ACSBG1: variants seen among roughly 807,000 people sequenced by gnomAD.
The protein encoded by ACSBG1 is long-chain-fatty-acid--CoA ligase ACSBG1.
Under a neutral mutation model 80.2 loss-of-function variants are expected in ACSBG1, and 39 were observed. The observed-to-expected ratio is 0.49, with a 90% CI of 0.38 to 0.64. The LOEUF is 0.64. ACSBG1 is among the 30% of genes least tolerant of loss of function. The pLI, the probability that ACSBG1 is intolerant of heterozygous loss-of-function variation, is 0.00. For missense variants in ACSBG1, 828 were observed against 966.4 expected (o/e 0.86, Z 1.90); for synonymous variants, 392 against 379.5 (o/e 1.03, Z -0.38).
chr15:78,211,676 G>A (rs1005926019), intron 1 of ACSBG1, among the ~76,000 whole-genome samples: 1 of 152,196 alleles, frequency 6.6e-6, no homozygotes, highest in Admixed American at 6.5e-5. Flanking sequence ...GGGCAGAGGA[G>A]CCTGGGAGCG....
At chr15:78,208,163 T>C in intron 1 of ACSBG1, 61 bp from the exon 2 acceptor site, 1 of 1,339,066 alleles carries the variant, frequency 7.5e-7, no homozygotes, top group Non-Finnish European at 1.1e-6. Context: ...GGCCTGGGCT[T>C]AGGGACTCCG....
intron 1 of ACSBG1, among the ~76,000 whole-genome samples, chr15:78,233,767 C>T (rs1407558914): frequency 6.6e-6 from 1 of 152,228 alleles, no homozygotes; most frequent in Non-Finnish European, 1.5e-5. Context: ...TGAGTCTCAT[C>T]TTCTCAGGAT....
intron 2 of ACSBG1, among the ~76,000 whole-genome samples, chr15:78,199,514 C>A (rs948338130): frequency 6.6e-6 from 1 of 152,002 alleles, no homozygotes; most frequent in African/African-American, 2.4e-5. Context: ...AATAGAGAGA[C>A]CTTGTCTCTA....
intron 5 of ACSBG1, among the ~76,000 whole-genome samples, chr15:78,183,444 G>A (rs1033911271): frequency 1.5e-4 from 23 of 152,250 alleles, no homozygotes; most frequent in African/African-American, 3.8e-4. Flanking sequence ...GGGTGTGGTG[G>A]TGCATGCCTG....
At chr15:78,216,645 G>T (rs546522763) in intron 1 of ACSBG1, among the ~76,000 whole-genome samples, 1 of 152,182 alleles carries the variant, frequency 6.6e-6, no homozygotes, top group East Asian at 1.9e-4. Context: ...GCACCCTGGA[G>T]CCCTTGACTG....
chr15:78,170,280 A>C lies in ACSBG1; in HGVS notation c.*1164T>G, dbSNP rs530295920. ...AGTTACCCTCTGTCCCCACAACCAA[A>C]GACAACTCATGGCCTCCTTTGGCCC... On this transcript the variant is annotated 3_prime_UTR_variant, in exon 14 of 14. Coordinates refer to ENST00000258873, the MANE Select transcript of ACSBG1 (RefSeq NM_015162.5). 5 of 152,146 alleles carry C rather than the reference A, an allele frequency of 3.3e-5. No individual in the cohort carries two copies. The South Asian group carries it at 1.0e-3, about 32-fold the overall frequency. The allele number at this position is 152,146 out of a possible 1,614,324, so 9.4% of individuals were successfully genotyped here. A position where few individuals can be genotyped will look rare whatever the true frequency, so the allele number is the denominator to read the frequency against.
chr15:78,215,786 G>C (rs994132277), intron 1 of ACSBG1, among the ~76,000 whole-genome samples: 15 of 122,938 alleles, frequency 1.2e-4, no homozygotes, highest in African/African-American at 5.0e-4. Flanking sequence ...AAGAAAGAAA[G>C]AGAAAGAAAG....
At chr15:78,207,325 G>A (rs1192340666) in intron 2 of ACSBG1, among the ~76,000 whole-genome samples, 1 of 152,196 alleles carries the variant, frequency 6.6e-6, no homozygotes, top group Non-Finnish European at 1.5e-5. Flanking sequence ...CGGCCTGGGA[G>A]AGCGGCAGCT....
At chr15:78,202,226 A>G (rs2141359943) in intron 2 of ACSBG1, among the ~76,000 whole-genome samples, 1 of 151,836 alleles carries the variant, frequency 6.6e-6, no homozygotes, top group South Asian at 2.1e-4. Context: ...TATTATTACT[A>G]TTTGAGACAG....
intron 8 of ACSBG1, 22 bp downstream of exon 8, chr15:78,181,947 C>T (rs1567081250): frequency 1.2e-6 from 2 of 1,609,190 alleles, no homozygotes; most frequent in East Asian, 4.5e-5. Flanking sequence ...CTCAGACGGA[C>T]ACACGGTAAA....
In ACSBG1 at chr15:78,179,559, C is replaced by T. The variant is rs777817054; in HGVS notation, c.1475G>A (p.Arg492Gln). ...PHFMSSPYNY[R>Q]LYSSGKLVPG... is the part of the protein sequence containing the mutation. ...CAGCCTCGAGCCTCACCTGTACAGC[C>T]GGTAGTTGTAGGGACTGGACATGAA... Residue 492 changes from arginine (R) to glutamine (Q), a missense_variant, in exon 10 of 14, where the codon CGG (arginine) becomes CAG (glutamine). Physicochemically the swap from Arg to Gln is conservative, Grantham distance 43. Transcript: ENST00000258873. The T allele has an allele frequency of 4.3e-6, 7 of 1,612,456 alleles. No homozygotes were observed. Among genetic ancestry groups the T allele is most frequent in the African/African-American group, 1.3e-5 (1 of 74,876 alleles).
chr15:78,171,707 G>A, intron 13 of ACSBG1, 178 bp from the exon 14 acceptor site: 2 of 565,218 alleles, frequency 3.5e-6, no homozygotes, highest in Non-Finnish European at 6.4e-6. Context: ...TGGCTTGTGT[G>A]TAGTCTCCTG....
chr15:78,226,367 A>C (rs1292059456), intron 1 of ACSBG1: 1 of 152,268 alleles, frequency 6.6e-6, no homozygotes, highest in East Asian at 1.9e-4. Context: ...TCACTGAGCA[A>C]TATCTTAGAG....
intron 1 of ACSBG1, among the ~76,000 whole-genome samples, chr15:78,211,529 C>T (rs573028945): frequency 3.9e-5 from 6 of 152,362 alleles, no homozygotes; most frequent in African/African-American, 1.4e-4. Context: ...GACCTCAGCT[C>T]ACATAAGCAC....
At chr15:78,190,295 G>T (rs1398456132) in intron 5 of ACSBG1, among the ~76,000 whole-genome samples, 2 of 10,978 alleles carry the variant, frequency 1.8e-4, no homozygotes, top group African/African-American at 4.4e-4. Context: ...TTCTATAGAG[G>T]TTATAAACCC....
intron 1 of ACSBG1, chr15:78,212,638 G>A (rs1404106087): frequency 2.2e-6 from 1 of 455,318 alleles, no homozygotes; most frequent in Non-Finnish European, 4.4e-6. Flanking sequence ...GCTTGCCCAG[G>A]AGAGAGCCAG....
At chr15:78,212,793 T>C in intron 1 of ACSBG1, 1 of 330,202 alleles carries the variant, frequency 3.0e-6, no homozygotes, top group South Asian at 2.3e-5. Flanking sequence ...GCTGCCCTCT[T>C]TCCTGGCTAT....
At position 78,208,060 on chromosome 15, in the gene ACSBG1, G is replaced by C; in HGVS notation, c.174C>G (p.Asn58Lys). 6.2e-7 allele frequency: 1 copy of C among 1,614,130 alleles called. No individual in the cohort carries two copies. Among genetic ancestry groups the C allele is most frequent in the Non-Finnish European group, 8.5e-7 (1 of 1,180,028 alleles). The change falls in exon 2 of 14, where the codon AAC becomes AAG. Residue 58 changes from asparagine (N) to lysine (K), a missense_variant. This residue lies in a region of ACSBG1 where 356 missense variants were observed against 363.5 expected (regional missense o/e 0.98). Coordinates refer to ENST00000258873, the MANE Select transcript of ACSBG1 (RefSeq NM_015162.5). ...CTGGCACTGAGAGCTCGAGAGCATG[G>C]TTCAGGGACTCTTTGGAGAGTGGCT... Reference protein sequence around the residue: ...DRQPLSKESLNHALELSVPEK... With the variant: ...DRQPLSKESLKHALELSVPEK...
In ACSBG1 at chr15:78,169,004, A is replaced by G; in HGVS notation, c.*2440T>C. 6.3e-7 allele frequency: 1 copy of G among 1,587,486 alleles called. No homozygotes were observed. Among genetic ancestry groups the G allele is most frequent in the Non-Finnish European group, 8.6e-7 (1 of 1,157,512 alleles). ...TGTCGCCGAGTAAAAGATTTAGATT[A>G]ACACTTCTACAACTGGCATTTACAT... On this transcript the variant is annotated 3_prime_UTR_variant, in exon 14 of 14. Transcript: ENST00000258873.
Sources: gnomAD v4.1 joint callset for allele counts (sites outside exome capture counted in the v4.1 genomes callset) on GRCh38, gnomAD v4.1.1 for gene constraint, gnomAD v4.1.1 regional missense constraint, MANE v1.5 for transcripts, NCBI Gene and HGNC (gene_info 2026-07-23, HGNC 2026-07-21) for gene names.